The following ESR1 variants were observed in gnomAD, a reference collection of about 807,000 sequenced individuals.
ESR1 encodes estrogen receptor.
In ESR1, 12 loss-of-function variants were observed where a neutral mutation model predicts 52.7. The observed-to-expected ratio is 0.23, with a 90% CI of 0.15 to 0.37. ESR1 has a LOEUF of 0.37. Ranked by LOEUF, ESR1 falls within the 10% of genes least tolerant of loss-of-function variation. The pLI, the probability that ESR1 is intolerant of heterozygous loss-of-function variation, is 1.00. For synonymous variants in ESR1, 305 were observed against 316.8 expected (o/e 0.96, Z 0.39); for missense variants, 584 against 779.7 (o/e 0.75, Z 2.99).
At chr6:152,008,562 A>G (rs1424155912) in intron 4 of ESR1, among the ~76,000 whole-genome samples, 3 of 152,062 alleles carry the variant, frequency 2.0e-5, no homozygotes, top group Non-Finnish European at 4.4e-5. Flanking sequence ...AAAAATTATA[A>G]TTCCATTTAA....
intron 6 of ESR1, among the ~76,000 whole-genome samples, chr6:152,065,238 G>A (rs916996870): frequency 1.3e-5 from 2 of 152,166 alleles, no homozygotes; most frequent in African/African-American, 2.4e-5. Context: ...AAAACTTAGA[G>A]CAACATTTAT....
At chr6:152,067,105 A>G (rs1433321500) in intron 6 of ESR1, among the ~76,000 whole-genome samples, 1 of 152,232 alleles carries the variant, frequency 6.6e-6, no homozygotes, top group East Asian at 1.9e-4. Context: ...ATTCTGCAGG[A>G]GAATTTCACC....
intron 3 of ESR1, among the ~76,000 whole-genome samples, chr6:151,918,874 G>C (rs1040461989): frequency 1.3e-5 from 2 of 152,114 alleles, no homozygotes; most frequent in African/African-American, 4.8e-5. Context: ...TATACCACTG[G>C]ATCAAGGGAT....
chr6:151,992,459 T>C (rs1434046477), intron 4 of ESR1, among the ~76,000 whole-genome samples: 1 of 152,234 alleles, frequency 6.6e-6, no homozygotes. Flanking sequence ...TTCAAGGTTC[T>C]TTTATGTTTT....
chr6:152,061,075 G>T lies in ESR1; in HGVS notation c.1320G>T (p.Leu440=). 6.2e-7 allele frequency: 1 copy of T among 1,613,840 alleles called. No individual in the cohort carries two copies. Among genetic ancestry groups the T allele is most frequent in the South Asian group, 1.1e-5 (1 of 91,066 alleles). ...ATSSRFRMMN[L]QGEEFVCLKS... ...CATCTCGGTTCCGCATGATGAATCT[G>T]CAGGGAGAGGAGTTTGTGTGCCTCA... The change falls in exon 6 of 8, where the codon CTG becomes CTT. Residue 440 remains leucine (L), a synonymous_variant. Coordinates refer to ENST00000206249, the MANE Select transcript of ESR1 (RefSeq NM_000125.4). The surrounding 1 kb of genome is among the most constrained non-coding windows in gnomAD (Gnocchi z 4.3).
chr6:151,726,785 A>G (rs547754986), intron 2 of ESR1, among the ~76,000 whole-genome samples: 2 of 152,296 alleles, frequency 1.3e-5, no homozygotes, highest in South Asian at 4.1e-4. Flanking sequence ...GATTTTCCAA[A>G]TATACAACAT....
chr6:152,014,990 A>G (rs747726942), intron 5 of ESR1, among the ~76,000 whole-genome samples: 1 of 152,076 alleles, frequency 6.6e-6, no homozygotes, highest in Non-Finnish European at 1.5e-5. Context: ...TCGCTTGAAC[A>G]TGGGAGGCAG....
At chr6:152,013,039 C>A (rs1322172677) in intron 5 of ESR1, among the ~76,000 whole-genome samples, 1 of 152,308 alleles carries the variant, frequency 6.6e-6, no homozygotes, top group East Asian at 1.9e-4. Context: ...GCATATTTTG[C>A]TGTCTGTGGA....
intron 6 of ESR1, among the ~76,000 whole-genome samples, chr6:152,062,347 T>C (rs1473085507): frequency 6.6e-6 from 1 of 152,208 alleles, no homozygotes; most frequent in Non-Finnish European, 1.5e-5. Context: ...ATTTTCCACT[T>C]CTCTTCCCCA....
At chr6:151,911,898 C>T (rs1297628989) in intron 3 of ESR1, among the ~76,000 whole-genome samples, 2 of 152,172 alleles carry the variant, frequency 1.3e-5, no homozygotes, top group African/African-American at 2.4e-5. Flanking sequence ...AAAGCAGTGT[C>T]GGATATTGCT....
At chr6:152,081,898 A>T (rs1229918101) in intron 6 of ESR1, among the ~76,000 whole-genome samples, 1 of 152,204 alleles carries the variant, frequency 6.6e-6, no homozygotes, top group African/African-American at 2.4e-5. Context: ...ATTCCTGGAC[A>T]CATACACCCT....
At chr6:152,037,585 C>T (rs145760308) in intron 5 of ESR1, among the ~76,000 whole-genome samples, 1 of 152,238 alleles carries the variant, frequency 6.6e-6, no homozygotes, top group East Asian at 1.9e-4. Flanking sequence ...TAGAGGCATT[C>T]CTTCTAGAAA....
At chr6:152,122,084 AG>A in intron 6 of ESR1, 1 of 356,326 alleles carries the variant, frequency 2.8e-6, no homozygotes, top group Non-Finnish European at 5.4e-6. Context: ...ACCATGGGAA[AG>A]CTGCCCAGAT....
At position 151,976,961 on chromosome 6, in the gene ESR1, CTT is replaced by C. The variant is rs534775245; in HGVS notation, c.1096+32455_1096+32456del. On this transcript the variant is annotated intron_variant, in intron 4 of 7. Coordinates refer to ENST00000206249, the MANE Select transcript of ESR1 (RefSeq NM_000125.4). ...AGTTTTAAACTGAGGTTTTTGAAGT[CTT>C]TAAGAATTTATTTAGAGACTTCTTT... 2.4e-3 allele frequency among the ~76,000 whole-genome samples: 368 copies of C among 152,032 alleles called. 2 individuals are homozygous for C. Among genetic ancestry groups the C allele is most frequent in the Non-Finnish European group, 3.6e-3 (248 of 67,994 alleles).
chr6:151,973,347 T>G (rs1413614981), intron 4 of ESR1, among the ~76,000 whole-genome samples: 4 of 144,970 alleles, frequency 2.8e-5, no homozygotes, highest in African/African-American at 1.0e-4. Context: ...CATTCAAGAG[T>G]GTGCTGCTTT....
Position 151,808,298 on chromosome 6 carries a change from C to G in ESR1, c.386C>G (p.Pro129Arg), listed in dbSNP as rs1238551364. The G allele has an allele frequency of 1.3e-6, 2 of 1,576,436 alleles. No homozygotes were observed. Among genetic ancestry groups the G allele is most frequent in the East Asian group, 4.5e-5 (2 of 44,096 alleles). Residue 129 changes from proline to arginine, a missense_variant, in exon 1 of 8, where the codon CCC (proline) becomes CGC (arginine). Around this residue, in one of 6 missense-constraint regions of ESR1, gnomAD observed 251 missense variants for 246.1 expected, o/e 1.02. Transcript: ENST00000206249. ...PFLQPHGQQV[P>R]YYLENEPSGY... is the part of the protein sequence containing the mutation. ...CTGCAGCCCCACGGCCAGCAGGTGC[C>G]CTACTACCTGGAGAACGAGCCCAGC... is the stretch of plus-strand genomic sequence containing the variant.
chr6:151,773,405 G>A (rs537768271), intron 2 of ESR1, among the ~76,000 whole-genome samples: 5 of 152,286 alleles, frequency 3.3e-5, no homozygotes, highest in Admixed American at 1.3e-4. Flanking sequence ...CCCACTTTGC[G>A]GTGCTTTGTT....
At chr6:152,045,023 G>A (rs1160470904) in intron 5 of ESR1, among the ~76,000 whole-genome samples, 4 of 152,182 alleles carry the variant, frequency 2.6e-5, no homozygotes, top group Non-Finnish European at 4.4e-5. Flanking sequence ...ACAGTTACAT[G>A]TAAGGCTTAT....
upstream of ESR1, among the ~76,000 whole-genome samples, chr6:151,686,064 ATTTTTTTTT>A (rs557270210): frequency 2.6e-5 from 3 of 114,368 alleles, no homozygotes; most frequent in African/African-American, 4.2e-5. Context: ...AATTAAAACA[ATTTTTTTTT>A]TTTTTTTTTT....
Sources: allele counts gnomAD v4.1 joint callset (sites outside exome capture counted in the v4.1 genomes callset), GRCh38; gene constraint gnomAD v4.1.1; regional missense constraint gnomAD v4.1.1; non-coding constraint Gnocchi (gnomAD v3.1); transcripts MANE v1.5; gene names NCBI Gene and HGNC (gene_info 2026-07-23, HGNC 2026-07-21).